CTCF: variants seen among roughly 807,000 people sequenced by gnomAD.
The protein encoded by CTCF is transcriptional repressor CTCF.
Under a neutral mutation model 72.3 loss-of-function variants are expected in CTCF, and 7 were observed. That is an observed-to-expected ratio of 0.10 (90% CI 0.06 to 0.18). CTCF has a LOEUF of 0.18. Ranked by LOEUF, CTCF falls within the 10% of genes least tolerant of loss-of-function variation. The probability of loss-of-function intolerance (pLI) is 1.00; values close to 1 mark genes in which losing one functional copy is unlikely to be tolerated. For missense variants in CTCF, 516 were observed against 949.1 expected, an observed-to-expected ratio of 0.54 and a Z score of 6.00; for synonymous variants, 374 against 315.8, an observed-to-expected ratio of 1.18 and a Z score of -1.95.
chr16:67,611,854 TAAAAG>T lies in CTCF; in HGVS notation c.782-96_782-92del, dbSNP rs2052066951. On this transcript the variant is annotated intron_variant, in intron 3 of 11. Transcript: ENST00000264010. ...TATGACTTATATTGGGTTTTGTTAT[TAAAAG>T]CTAATCAAATATATTTGTAGAAATT... is the stretch of plus-strand genomic sequence containing the variant. 2.6e-6 allele frequency: 3 copies of T among 1,161,794 alleles called. No homozygotes were observed. In the South Asian group the frequency reaches 4.0e-5, roughly 15 times the overall value. 72.0% of individuals were successfully genotyped at this position (1,161,794 alleles called of 1,614,324 possible).
chr16:67,602,370 C>T (rs2142793875), intron 2 of CTCF, among the ~76,000 whole-genome samples: 1 of 152,276 alleles, frequency 6.6e-6, no homozygotes, highest in African/African-American at 2.4e-5. Flanking sequence ...AGGGTCACCA[C>T]ATTTACATTC....
chr16:67,637,030 A>G (rs2052440327), intron 11 of CTCF, among the ~76,000 whole-genome samples, 179 bp downstream of exon 11: 1 of 152,118 alleles, frequency 6.6e-6, no homozygotes, highest in South Asian at 2.1e-4. Context: ...ACATCTGAGG[A>G]AGTCTTTAGA....
chr16:67,630,785 AAG>A (rs1169753732), intron 10 of CTCF, among the ~76,000 whole-genome samples: 1 of 152,136 alleles, frequency 6.6e-6, no homozygotes, highest in East Asian at 1.9e-4. Context: ...AAGCCTCACA[AAG>A]AGGGTGGAGG....
chr16:67,601,347 G>GT (rs1439348167), intron 2 of CTCF, among the ~76,000 whole-genome samples: 34 of 129,652 alleles, frequency 2.6e-4, no homozygotes, highest in African/African-American at 3.2e-4. Context: ...GTTTTGTTTT[G>GT]TTTTTTTTTA....
intron 9 of CTCF, among the ~76,000 whole-genome samples, chr16:67,629,052 A>C (rs1454501371): frequency 7.5e-6 from 1 of 132,672 alleles, no homozygotes; most frequent in Non-Finnish European, 1.7e-5. Flanking sequence ...ACTCCGTCTC[A>C]AAAAAAAAAA....
At chr16:67,589,142 T>C (rs2051705756) in intron 2 of CTCF, among the ~76,000 whole-genome samples, 1 of 151,790 alleles carries the variant, frequency 6.6e-6, no homozygotes, top group African/African-American at 2.4e-5. Flanking sequence ...ATAATAATAA[T>C]AAAATAGTAG....
intron 4 of CTCF, 80 bp from the exon 5 acceptor site, chr16:67,616,665 C>A: frequency 6.7e-7 from 1 of 1,497,620 alleles, no homozygotes; most frequent in Non-Finnish European, 9.3e-7. Flanking sequence ...AGTCTCATAG[C>A]AGTTCTGTGC....
At chr16:67,588,833 C>T (rs2051701741) in intron 2 of CTCF, among the ~76,000 whole-genome samples, 1 of 151,968 alleles carries the variant, frequency 6.6e-6, no homozygotes, top group Non-Finnish European at 1.5e-5. Flanking sequence ...ATTACAGGTG[C>T]ACGCCACCAC....
intron 2 of CTCF, among the ~76,000 whole-genome samples, chr16:67,575,225 C>T (rs2051479927): frequency 6.6e-6 from 1 of 152,086 alleles, no homozygotes; most frequent in African/African-American, 2.4e-5. Flanking sequence ...TTTCATTCAG[C>T]CTGGGTGACA....
chr16:67,577,011 A>T (rs2051506800), intron 2 of CTCF, among the ~76,000 whole-genome samples: 1 of 152,222 alleles, frequency 6.6e-6, no homozygotes, highest in African/African-American at 2.4e-5. Flanking sequence ...GAATGTGTGT[A>T]TAAAACCTAT....
chr16:67,580,761 C>T (rs183242052), intron 2 of CTCF, among the ~76,000 whole-genome samples: 17 of 139,440 alleles, frequency 1.2e-4, no homozygotes, highest in African/African-American at 4.6e-4. Context: ...CCTGCCCCAA[C>T]GCCTGGCCAA....
At chr16:67,607,658 C>T (rs914296016) in intron 2 of CTCF, among the ~76,000 whole-genome samples, 2 of 151,752 alleles carry the variant, frequency 1.3e-5, no homozygotes, top group Admixed American at 1.3e-4. Context: ...TTGTTTTCTG[C>T]TTTCTATTAT....
At chr16:67,631,161 TTTTG>T (rs2052358393) in intron 10 of CTCF, among the ~76,000 whole-genome samples, 1 of 135,406 alleles carries the variant, frequency 7.4e-6, no homozygotes, top group Admixed American at 7.0e-5. Flanking sequence ...TTTGTTTTTT[TTTTG>T]TTTTTTGTTT....
At chr16:67,602,657 C>T (rs1026323217) in intron 2 of CTCF, among the ~76,000 whole-genome samples, 5 of 151,978 alleles carry the variant, frequency 3.3e-5, no homozygotes, top group Admixed American at 2.6e-4. Flanking sequence ...GCCTGACCAA[C>T]ATGGAGAAAC....
At chr16:67,621,008 CTTTTG>C in intron 6 of CTCF, 191 bp downstream of exon 6, 1 of 455,288 alleles carries the variant, frequency 2.2e-6, no homozygotes. Context: ...AAAATAGTAC[CTTTTG>C]TTTTGTTCAA....
intron 2 of CTCF, among the ~76,000 whole-genome samples, chr16:67,600,864 C>G (rs1051869410): frequency 1.3e-5 from 2 of 151,866 alleles, no homozygotes; most frequent in Admixed American, 6.6e-5. Context: ...AAATTAAAAC[C>G]GCTTTGAGTG....
intron 7 of CTCF, among the ~76,000 whole-genome samples, chr16:67,625,941 C>G (rs992325517): frequency 6.6e-6 from 1 of 151,954 alleles, no homozygotes; most frequent in South Asian, 2.1e-4. Flanking sequence ...TCTTCACTCT[C>G]TACAGTCACT....
intron 5 of CTCF, among the ~76,000 whole-genome samples, chr16:67,618,988 G>T (rs1414757612): frequency 6.6e-6 from 1 of 152,204 alleles, no homozygotes; most frequent in African/African-American, 2.4e-5. Flanking sequence ...AAGCCAGTGT[G>T]ATATTGCAGT....
At chr16:67,615,937 GT>G (rs1184068454) in intron 4 of CTCF, 2 of 152,124 alleles carry the variant, frequency 1.3e-5, no homozygotes, top group Non-Finnish European at 2.9e-5. Flanking sequence ...TGGTTTTAGT[GT>G]TTGATACTAC....
Sources: gnomAD v4.1 joint callset for allele counts (sites outside exome capture counted in the v4.1 genomes callset) on GRCh38, gnomAD v4.1.1 for gene constraint, MANE v1.5 for transcripts, NCBI Gene and HGNC (gene_info 2026-07-23, HGNC 2026-07-21) for gene names.